ENTPD1: variants seen among roughly 807,000 people sequenced by gnomAD.
The protein encoded by ENTPD1 is ectonucleoside triphosphate diphosphohydrolase 1.
Under a neutral mutation model 57.0 loss-of-function variants are expected in ENTPD1, and 33 were observed. That is an observed-to-expected ratio of 0.58 (90% CI 0.44 to 0.77). ENTPD1 has a LOEUF of 0.77. Among genes scored for constraint, ENTPD1 ranks in the 30% least tolerant of loss-of-function variants. ENTPD1 has a pLI of 0.00. For missense variants in ENTPD1, 501 were observed against 603.4 expected, an observed-to-expected ratio of 0.83 and a Z score of 1.78; for synonymous variants, 202 against 218.8, an observed-to-expected ratio of 0.92 and a Z score of 0.68.
the ENTPD1 span, among the ~76,000 whole-genome samples, chr10:95,701,916 T>C: frequency 6.6e-6 from 1 of 151,964 alleles, no homozygotes; most frequent in Admixed American, 6.6e-5. Flanking sequence ...ACAAAGCCAA[T>C]AGAACTTAGA....
At chr10:95,766,507 A>T (rs2140049613) in intron 1 of ENTPD1, among the ~76,000 whole-genome samples, 1 of 152,250 alleles carries the variant, frequency 6.6e-6, no homozygotes, top group Non-Finnish European at 1.5e-5. Flanking sequence ...AATTCAATAC[A>T]ATTGTCTGTT....
intron 1 of ENTPD1, among the ~76,000 whole-genome samples, chr10:95,730,118 C>T (rs555902896): frequency 6.6e-6 from 1 of 152,318 alleles, no homozygotes; most frequent in African/African-American, 2.4e-5. Context: ...CTCATTACAG[C>T]CTCAATCTCC....
Position 95,844,533 on chromosome 10 carries a change from C to T in ENTPD1, c.471C>T (p.Ser157=). Residue 157 remains serine (S), a synonymous_variant, in exon 5 of 10, where the codon AGC becomes AGT. Transcript: ENST00000371205. ...RVLDVVERSL[S]NYPFDFQGAR... The stretch of plus-strand genomic sequence containing the variant: ...TGGATGTGGTGGAGAGGAGCCTCAG[C>T]AACTACCCCTTTGACTTCCAGGGTG... The T allele has an allele frequency of 6.2e-7, 1 of 1,614,218 alleles. No individual in the cohort carries two copies. The highest frequency in any genetic ancestry group is 8.5e-7 in the Non-Finnish European group (1 of 1,180,022).
intron 1 of ENTPD1, among the ~76,000 whole-genome samples, chr10:95,783,600 G>C (rs143016165): frequency 6.6e-6 from 1 of 151,974 alleles, no homozygotes; most frequent in Non-Finnish European, 1.5e-5. Flanking sequence ...CCATTTTCAA[G>C]ATAGGATAAC....
rs200451742 is a variant in ENTPD1, at chr10:95,756,192, G to A, written c.-48G>A. 2.1e-4 allele frequency: 288 copies of A among 1,370,554 alleles called. 1 individual carries two copies. In the South Asian group the frequency reaches 2.5e-3, roughly 12 times the overall value. The allele number at this position is 1,370,554 out of a possible 1,614,324, so 84.9% of individuals were successfully genotyped here. On this transcript the variant is annotated 5_prime_UTR_variant, in exon 1 of 10. Coordinates refer to ENST00000371205, the MANE Select transcript of ENTPD1 (RefSeq NM_001776.6). ...AGACGGACCACAGCAAGCAGAGGCTGGGGGGGGGAAAGACGAGGAAAGAGG... is the reference window on the plus strand; with the variant it reads ...AGACGGACCACAGCAAGCAGAGGCTAGGGGGGGGAAAGACGAGGAAAGAGG...
chr10:95,847,573 T>C lies in ENTPD1; in HGVS notation c.941T>C (p.Phe314Ser), dbSNP rs774867224. The change falls in exon 7 of 10, where the codon TTT becomes TCT. Residue 314 changes from phenylalanine (F) to serine (S), a missense_variant. Physicochemically the swap from Phe to Ser is radical, Grantham distance 155. Coordinates refer to ENST00000371205, the MANE Select transcript of ENTPD1 (RefSeq NM_001776.6). The part of the protein sequence containing the change: ...RFEMTLPFQQ[F>S]EIQGIGNYQQ... ...GAGATGACTCTTCCATTCCAGCAGTTTGAAATCCAGGGTATTGGAAACTAT... is the reference window on the plus strand; with the variant it reads ...GAGATGACTCTTCCATTCCAGCAGTCTGAAATCCAGGGTATTGGAAACTAT... 14 of 1,614,028 alleles carry C rather than the reference T, an allele frequency of 8.7e-6. No homozygotes were observed. The highest frequency in any genetic ancestry group is 1.2e-5 in the Non-Finnish European group (14 of 1,180,034).
chr10:95,772,252 A>G (rs1460090749), intron 1 of ENTPD1, among the ~76,000 whole-genome samples: 3 of 152,312 alleles, frequency 2.0e-5, no homozygotes, highest in Admixed American at 2.0e-4. Flanking sequence ...GAAGACAACA[A>G]TGATGTTTAC....
chr10:95,809,331 G>T (rs1209912198), intron 1 of ENTPD1, among the ~76,000 whole-genome samples: 1 of 151,642 alleles, frequency 6.6e-6, no homozygotes, highest in East Asian at 2.0e-4. Context: ...CCCAGATGGG[G>T]TGGCCGGGCA....
In ENTPD1 at chr10:95,756,200, G is replaced by GA. The variant is rs754820217; in HGVS notation, c.-37dup. The GA allele has an allele frequency of 6.3e-7, 1 of 1,581,412 alleles. No homozygotes were observed. The highest frequency in any genetic ancestry group is 1.8e-5 in the Admixed American group (1 of 55,602). ...CACAGCAAGCAGAGGCTGGGGGGGG[G>GA]AAAGACGAGGAAAGAGGAGGAAAAC... On this transcript the variant is annotated 5_prime_UTR_variant, in exon 1 of 10. Coordinates refer to ENST00000371205, the MANE Select transcript of ENTPD1 (RefSeq NM_001776.6).
chr10:95,788,054 G>A (rs1401252062), intron 1 of ENTPD1, among the ~76,000 whole-genome samples: 7 of 152,158 alleles, frequency 4.6e-5, no homozygotes, highest in Admixed American at 4.6e-4. Context: ...TTGCAAGTTA[G>A]AGGAAGATAT....
chr10:95,854,687 C>T (rs367638837), intron 7 of ENTPD1, among the ~76,000 whole-genome samples: 5,149 of 152,076 alleles, frequency 0.034, 117 homozygotes, highest in Non-Finnish European at 0.049. Context: ...CATTTCGTTA[C>T]GTACCCAGTA....
At position 95,860,665 on chromosome 10, in the gene ENTPD1, C is replaced by T. The variant is rs184432297; in HGVS notation, c.1188+83C>T. On this transcript the variant is annotated intron_variant, in intron 8 of 9. Transcript: ENST00000371205. ...CAGAGGATGTGAGTCTGCTCTGAAA[C>T]TCCTGCTGGTTTGACCAAGATCCAG... 4.1e-4 allele frequency: 508 copies of T among 1,234,476 alleles called. 7 individuals are homozygous for T. The South Asian group carries it at 5.6e-3, about 14-fold the overall frequency. 76.5% of individuals were successfully genotyped at this position (1,234,476 alleles called of 1,614,324 possible).
At position 95,871,767 on chromosome 10, in the gene ENTPD1, T is replaced by G. The variant is rs1590233327; in HGVS notation, c.*5384T>G. ...CCTCATCAGCACTAGAGTTGACTTG[T>G]TTTTATAACCCCTTTGCATGTATGT... On this transcript the variant is annotated 3_prime_UTR_variant, in exon 10 of 10. Transcript: ENST00000371205. The G allele has an allele frequency of 1.0e-6, 1 of 985,440 alleles. No individual in the cohort carries two copies. The allele number at this position is 985,440 out of a possible 1,614,324, so 61.0% of individuals were successfully genotyped here.
chr10:95,873,711 C>A lies in ENTPD1; in HGVS notation c.*7328C>A, dbSNP rs1003884748. On this transcript the variant is annotated 3_prime_UTR_variant, in exon 10 of 10. Transcript: ENST00000371205. ...TTTAAAAACTATGATTGTATTAGTT[C>A]GTTTCCATGCTGCTGATAAAGACAT... is the stretch of plus-strand genomic sequence containing the variant. 17 of 982,030 alleles carry A rather than the reference C, an allele frequency of 1.7e-5. No individual in the cohort carries two copies. The highest frequency in any genetic ancestry group is 3.5e-5 in the African/African-American group (2 of 57,114). The allele number at this position is 982,030 out of a possible 1,614,324, so 60.8% of individuals were successfully genotyped here.
chr10:95,756,117 G>T (rs1589682009), upstream of ENTPD1: 2 of 1,532,644 alleles, frequency 1.3e-6, no homozygotes, highest in East Asian at 4.9e-5. Context: ...CCCCTCCCAC[G>T]AGCCCAAGGG....
chr10:95,815,818 A>G (rs1169924934), intron 1 of ENTPD1, among the ~76,000 whole-genome samples: 1 of 152,234 alleles, frequency 6.6e-6, no homozygotes, highest in Non-Finnish European at 1.5e-5. Flanking sequence ...AAAAGGCTTT[A>G]GAACAGGAAA....
At chr10:95,718,853 G>A (rs993718677) in intron 1 of ENTPD1, among the ~76,000 whole-genome samples, 9 of 152,172 alleles carry the variant, frequency 5.9e-5, no homozygotes, top group African/African-American at 2.2e-4. Flanking sequence ...AGGTCCCCTC[G>A]AGTGGCATAG....
chr10:95,827,817 C>A (rs1281645687), intron 2 of ENTPD1, among the ~76,000 whole-genome samples: 1 of 152,222 alleles, frequency 6.6e-6, no homozygotes, highest in Non-Finnish European at 1.5e-5. Flanking sequence ...ATGTTACATT[C>A]TTTTTTCATA....
chr10:95,867,820 C>T lies in ENTPD1; in HGVS notation c.*1437C>T, dbSNP rs2098476076. 3.0e-6 allele frequency: 3 copies of T among 985,370 alleles called. No individual in the cohort carries two copies. The highest frequency in any genetic ancestry group is 2.4e-6 in the Non-Finnish European group (2 of 829,904). The allele number at this position is 985,370 out of a possible 1,614,324, so 61.0% of individuals were successfully genotyped here. ...GGGAAAGAAAAGCTCTCACACAAAC[C>T]GGAAGCCAAATGTCCCCTATCTCTT... is the stretch of plus-strand genomic sequence containing the variant. On this transcript the variant is annotated 3_prime_UTR_variant, in exon 10 of 10. Transcript: ENST00000371205.
Sources: gnomAD v4.1 joint callset for allele counts (sites outside exome capture counted in the v4.1 genomes callset) on GRCh38, gnomAD v4.1.1 for gene constraint, MANE v1.5 for transcripts, NCBI Gene and HGNC (gene_info 2026-07-23, HGNC 2026-07-21) for gene names.